The following WDR4 variants were observed in gnomAD, a reference collection of about 807,000 sequenced individuals.
WDR4 encodes the protein tRNA (guanine-N(7)-)-methyltransferase non-catalytic subunit WDR4.
A neutral mutation model predicts 48.6 loss-of-function variants in WDR4; 47 were observed. The observed-to-expected ratio is 0.97, with a 90% CI of 0.77 to 1.23. The LOEUF (loss-of-function observed/expected upper bound fraction) is 1.23. Among genes scored for constraint, WDR4 ranks in the 50% most tolerant of loss-of-function variants. WDR4 has a pLI of 0.00. For synonymous variants in WDR4, 268 were observed against 230.0 expected, an observed-to-expected ratio of 1.17 and a Z score of -1.49; for missense variants, 606 against 551.6, an observed-to-expected ratio of 1.10 and a Z score of -0.99.
chr21:42,853,403 C>T (rs923402137), intron 9 of WDR4, among the ~76,000 whole-genome samples, 166 bp downstream of exon 9: 8 of 152,354 alleles, frequency 5.3e-5, no homozygotes, highest in African/African-American at 1.4e-4. Context: ...CCTTCACCCA[C>T]GGTGGAAGCC....
rs781263221 is a variant in WDR4, at chr21:42,862,362, A to C, written c.486T>G (p.Thr162=). 2.3e-5 allele frequency: 37 copies of C among 1,610,958 alleles called. No homozygotes were observed. In the Admixed American group the frequency reaches 6.0e-4, roughly 26 times the overall value. The change falls in exon 5 of 11, where the codon ACT becomes ACG. Residue 162 remains threonine, a synonymous_variant. Coordinates refer to ENST00000398208, the MANE Select transcript of WDR4 (RefSeq NM_018669.6). The surrounding 1 kb of genome is among the most constrained non-coding windows in gnomAD (Gnocchi z 4.3). ...CTCGGATCTTCTCGTCCCGGTCGGC[A>C]GTGAGGATGAAGCGGTCATCAGGAC... The part of the protein sequence containing the change: ...AVSPDDRFIL[T]ADRDEKIRVS...
intron 3 of WDR4, among the ~76,000 whole-genome samples, chr21:42,866,834 A>T (rs1048251630): frequency 2.0e-5 from 3 of 152,176 alleles, no homozygotes; most frequent in Non-Finnish European, 4.4e-5. Context: ...AAGGAATTTT[A>T]AAAAGATTAT....
At chr21:42,859,776 CG>C in intron 5 of WDR4, 54 bp from the exon 6 acceptor site, 3 of 1,541,454 alleles carry the variant, frequency 1.9e-6, no homozygotes, top group Non-Finnish European at 2.6e-6. Context: ...CCGCAGGGAC[CG>C]GGAGGCCTGG....
intron 6 of WDR4, 65 bp downstream of exon 6, chr21:42,859,597 G>GCGC: frequency 1.4e-6 from 1 of 708,190 alleles, no homozygotes; most frequent in Non-Finnish European, 2.5e-6. Flanking sequence ...TCCAGGAGGC[G>GCGC]CCCACCCCAC....
the WDR4 span, among the ~76,000 whole-genome samples, chr21:42,892,030 G>C: frequency 6.6e-6 from 1 of 150,898 alleles, no homozygotes; most frequent in Non-Finnish European, 1.5e-5. Flanking sequence ...GAGACGGGTG[G>C]ATCACGAGGT....
At chr21:42,859,819 C>T in intron 5 of WDR4, 97 bp from the exon 6 acceptor site, 1 of 1,252,186 alleles carries the variant, frequency 8.0e-7, no homozygotes, top group South Asian at 1.3e-5. Flanking sequence ...GGAAGAGAAG[C>T]CTCTGCCCTA....
chr21:42,866,024 G>A (rs902574795), intron 3 of WDR4, among the ~76,000 whole-genome samples: 3 of 152,142 alleles, frequency 2.0e-5, no homozygotes, highest in Non-Finnish European at 4.4e-5. Context: ...TGGGCAGAGC[G>A]AATCAGATGG....
intron 6 of WDR4, among the ~76,000 whole-genome samples, chr21:42,857,993 G>C (rs934721320): frequency 6.6e-6 from 1 of 152,084 alleles, no homozygotes; most frequent in Non-Finnish European, 1.5e-5. Flanking sequence ...CGGGAGGCCT[G>C]AGGTGGGAGG....
chr21:42,859,810 G>T (rs565384739), intron 5 of WDR4, 88 bp from the exon 6 acceptor site: 17 of 1,338,068 alleles, frequency 1.3e-5, no homozygotes, highest in Middle Eastern at 1.8e-4. Flanking sequence ...TTCATCTAAG[G>T]AAGAGAAGCC....
intron 1 of WDR4, chr21:42,879,013 T>C (rs1225734643): frequency 2.0e-6 from 2 of 1,024,028 alleles, no homozygotes; most frequent in Non-Finnish European, 2.3e-6. Context: ...GAGACCCGCT[T>C]CTTCCCAGTT....
chr21:42,877,680 G>A (rs2058526641), intron 1 of WDR4, among the ~76,000 whole-genome samples: 1 of 151,662 alleles, frequency 6.6e-6, no homozygotes, highest in Non-Finnish European at 1.5e-5. Flanking sequence ...TAAAACAAAT[G>A]AGGGATAAAT....
chr21:42,866,689 C>T (rs2146068692), intron 3 of WDR4, among the ~76,000 whole-genome samples: 1 of 152,090 alleles, frequency 6.6e-6, no homozygotes, highest in South Asian at 2.1e-4. Flanking sequence ...TCACCCTATG[C>T]CCCTCTCCCT....
At chr21:42,865,251 C>T (rs1219293509) in intron 3 of WDR4, among the ~76,000 whole-genome samples, 1 of 152,170 alleles carries the variant, frequency 6.6e-6, no homozygotes, top group Non-Finnish European at 1.5e-5. Context: ...CGCTCTGGGG[C>T]AAGATTAATC....
intron 6 of WDR4, among the ~76,000 whole-genome samples, chr21:42,859,189 G>T (rs1397286166): frequency 1.3e-5 from 2 of 151,880 alleles, no homozygotes; most frequent in Non-Finnish European, 2.9e-5. Context: ...CAAGGAGGCA[G>T]ATCGCTTGAG....
rs1367655959 is a variant in WDR4, at chr21:42,850,155, C to T, written c.1133G>A (p.Arg378Lys). The change falls in exon 11 of 11, where the codon AGA (arginine) becomes AAA (lysine). Residue 378 changes from arginine (R) to lysine (K), a missense_variant. Arg to Lys is a conservative substitution (Grantham distance 26). Transcript: ENST00000398208. ...VTSYLKKKEE[R>K]LQQQLEKKQR... is the part of the protein sequence containing the mutation. ...CTTCTTCTCTAGCTGCTGCTGCAGT[C>T]TCTCCTCTTTCTTCTTCAGGTAGGA... is the stretch of plus-strand genomic sequence containing the variant. 1 of 1,614,118 alleles carries T rather than the reference C, an allele frequency of 6.2e-7. No individual in the cohort carries two copies. The highest frequency in any genetic ancestry group is 8.5e-7 in the Non-Finnish European group (1 of 1,180,006).
At chr21:42,874,771 T>G (rs184454032) in intron 2 of WDR4, among the ~76,000 whole-genome samples, 8 of 152,132 alleles carry the variant, frequency 5.3e-5, no homozygotes, top group Non-Finnish European at 8.8e-5. Context: ...TGTCTCCTGA[T>G]AAGATGTTAT....
At chr21:42,843,758 G>C (rs558802926) in intron 11 of WDR4, among the ~76,000 whole-genome samples, 5 of 151,980 alleles carry the variant, frequency 3.3e-5, no homozygotes, top group Non-Finnish European at 7.4e-5. Flanking sequence ...GTAGAGACAG[G>C]GTTTCACCAT....
chr21:42,862,502 G>T lies in WDR4; in HGVS notation c.454-108C>A. ...GCTGCAGCCTGGCCGCCAAGAGGAT[G>T]AGGCCTTCGAGGACAGACCAGCGTG... On this transcript the variant is annotated intron_variant, in intron 4 of 10. Transcript: ENST00000398208. The surrounding 1 kb of genome is among the most constrained non-coding windows in gnomAD (Gnocchi z 4.3). The T allele has an allele frequency of 1.0e-6, 1 of 972,942 alleles. No homozygotes were observed. Among genetic ancestry groups the T allele is most frequent in the Non-Finnish European group, 1.5e-6 (1 of 646,902 alleles). 60.3% of individuals were successfully genotyped at this position (972,942 alleles called of 1,614,324 possible). A position where few individuals can be genotyped will look rare whatever the true frequency, so the allele number is the denominator to read the frequency against.
Position 42,850,261 on chromosome 21 carries a change from G to T in WDR4, c.1046-19C>A. The T allele has an allele frequency of 6.4e-7, 1 of 1,574,738 alleles. No homozygotes were observed. Among genetic ancestry groups the T allele is most frequent in the East Asian group, 2.3e-5 (1 of 43,740 alleles). ...GCAGAGCCTGTGATGGGGGAACAAG[G>T]ACAGGTGCCAGGTGGGGCAGGAACA... On this transcript the variant is annotated intron_variant, in intron 10 of 10. Transcript: ENST00000398208.
Sources: gnomAD v4.1 joint callset for allele counts (sites outside exome capture counted in the v4.1 genomes callset) on GRCh38, gnomAD v4.1.1 for gene constraint, Gnocchi (gnomAD v3.1) non-coding constraint, MANE v1.5 for transcripts, NCBI Gene and HGNC (gene_info 2026-07-23, HGNC 2026-07-21) for gene names.